KMT2C: variants seen among roughly 807,000 people sequenced by gnomAD.
The protein encoded by KMT2C is lysine methyltransferase 2C, also known as histone-lysine N-methyltransferase 2C.
A neutral mutation model predicts 507.9 loss-of-function variants in KMT2C; 88 were observed. The ratio of observed to expected loss-of-function variants is 0.17; its 90% CI spans 0.15 to 0.21. The LOEUF (loss-of-function observed/expected upper bound fraction) is 0.21, where lower values mean the gene tolerates loss of function less well. Ranked by LOEUF, KMT2C falls within the 10% of genes least tolerant of loss-of-function variation. The probability of loss-of-function intolerance (pLI) is 1.00; values close to 1 mark genes in which losing one functional copy is unlikely to be tolerated. For missense variants in KMT2C, 4,954 were observed against 5,957.8 expected (o/e 0.83, Z 5.55); for synonymous variants, 2,049 against 2,080.8 (o/e 0.98, Z 0.42).
At chr7:152,190,314 G>C (rs1352955751) in intron 31 of KMT2C, among the ~76,000 whole-genome samples, 2 of 152,142 alleles carry the variant, frequency 1.3e-5, no homozygotes, top group Non-Finnish European at 2.9e-5. Context: ...CTAGGTATCA[G>C]TGCCATCTAC....
chr7:152,290,508 C>T (rs1023402028), intron 6 of KMT2C, among the ~76,000 whole-genome samples: 2 of 150,814 alleles, frequency 1.3e-5, no homozygotes, highest in African/African-American at 4.9e-5. Context: ...CGGGGTTTCA[C>T]AATCTTGGCC....
At chr7:152,279,885 C>A (rs2096169629) in intron 6 of KMT2C, among the ~76,000 whole-genome samples, 1 of 152,288 alleles carries the variant, frequency 6.6e-6, no homozygotes, top group South Asian at 2.1e-4. Context: ...AGGCAGTATT[C>A]TAAAATGCCC....
intron 2 of KMT2C, among the ~76,000 whole-genome samples, chr7:152,357,012 G>C (rs2097157944): frequency 6.6e-6 from 1 of 150,412 alleles, no homozygotes; most frequent in African/African-American, 2.5e-5. Context: ...TGGATCACCT[G>C]AGGTCAGGAG....
chr7:152,157,985 C>G, intron 44 of KMT2C: 1 of 1,179,348 alleles, frequency 8.5e-7, no homozygotes, highest in Non-Finnish European at 1.1e-6. Flanking sequence ...TGTAGCTCAA[C>G]TTTCTAAGAC....
intron 1 of KMT2C, among the ~76,000 whole-genome samples, chr7:152,365,297 G>A (rs2097232906): frequency 6.6e-6 from 1 of 152,170 alleles, no homozygotes; most frequent in African/African-American, 2.4e-5. Flanking sequence ...GATCACCTGA[G>A]GTCGAGTTCG....
At chr7:152,147,662 G>A (rs74743787) in intron 52 of KMT2C, among the ~76,000 whole-genome samples, 4,518 of 144,596 alleles carry the variant, frequency 0.031, 102 homozygotes, top group Non-Finnish European at 0.047. Context: ...AACTGAGATC[G>A]CGCCATTGCA....
At chr7:152,290,285 TA>T (rs2096399869) in intron 6 of KMT2C, among the ~76,000 whole-genome samples, 6 of 38,844 alleles carry the variant, frequency 1.5e-4, no homozygotes, top group East Asian at 6.2e-4. Context: ...TATATATATA[TA>T]TATATATATT....
intron 14 of KMT2C, among the ~76,000 whole-genome samples, chr7:152,246,456 G>A (rs199507431): frequency 8.6e-5 from 13 of 152,024 alleles, no homozygotes; most frequent in South Asian, 2.1e-4. Flanking sequence ...CCAATATTTC[G>A]GAACATAAAG....
intron 1 of KMT2C, among the ~76,000 whole-genome samples, chr7:152,416,705 C>T (rs1030396353): frequency 7.0e-6 from 1 of 141,920 alleles, no homozygotes; most frequent in African/African-American, 2.7e-5. Context: ...GCCTGGGTGA[C>T]AGAACAAGAC....
intron 40 of KMT2C, among the ~76,000 whole-genome samples, chr7:152,170,652 G>A (rs188129464): frequency 9.9e-5 from 15 of 152,100 alleles, no homozygotes; most frequent in Non-Finnish European, 1.5e-4. Flanking sequence ...ATAGGTGTGC[G>A]CCACCACGCC....
intron 23 of KMT2C, among the ~76,000 whole-genome samples, chr7:152,216,443 GTGTGTAATATAA>G (rs1440146761): frequency 2.0e-5 from 3 of 152,180 alleles, no homozygotes; most frequent in Admixed American, 2.0e-4. Context: ...TTCTGTAGAT[GTGTGTAATATAA>G]TGTGTAATAT....
In KMT2C at chr7:152,358,633, G is replaced by T; in HGVS notation, c.204C>A (p.Ser68Arg). Residue 68 changes from serine to arginine, a missense_variant, in exon 2 of 59, where the codon AGC becomes AGA. Ser to Arg is a moderately radical substitution (Grantham distance 110). Around this residue, in one of 29 missense-constraint regions of KMT2C, gnomAD observed 233 missense variants for 263.6 expected, o/e 0.88. Coordinates refer to ENST00000262189, the MANE Select transcript of KMT2C (RefSeq NM_170606.3). Reference sequence around the variant, plus strand: ...TTTCTGTTGTCTCCAGCCCATCCATGCTGTCCTCATCTTCCACTGCAGTTT... The same window carrying T: ...TTTCTGTTGTCTCCAGCCCATCCATTCTGTCCTCATCTTCCACTGCAGTTT... ...RGKTAVEDEDSMDGLETTETE... is the reference protein window; with the variant it reads ...RGKTAVEDEDRMDGLETTETE... 1 of 1,611,312 alleles carries T rather than the reference G, an allele frequency of 6.2e-7. No homozygotes were observed. The highest frequency in any genetic ancestry group is 8.5e-7 in the Non-Finnish European group (1 of 1,178,688).
At position 152,163,327 on chromosome 7, in the gene KMT2C, T is replaced by C. The variant is rs2092557267; in HGVS notation, c.10250A>G (p.Gln3417Arg). 1.2e-6 allele frequency: 2 copies of C among 1,614,248 alleles called. No individual in the cohort carries two copies. ...CAAAGCTCTTTGTCTATCTACCTCC[T>C]GCATGAGTTGGATCCGTTGTCTCTC... ...QQERQRIQLM[Q>R]EVDRQRALQQ... Residue 3417 changes from glutamine (Q) to arginine (R), a missense_variant, in exon 43 of 59, where the codon CAG becomes CGG. Physicochemically the swap from Gln to Arg is conservative, Grantham distance 43 (BLOSUM62 1). Coordinates refer to ENST00000262189, the MANE Select transcript of KMT2C (RefSeq NM_170606.3).
chr7:152,200,837 G>A (rs1202638584), intron 26 of KMT2C, among the ~76,000 whole-genome samples: 1 of 152,170 alleles, frequency 6.6e-6, no homozygotes, highest in African/African-American at 2.4e-5. Flanking sequence ...TACCCTTTGA[G>A]AAAAGAGATT....
chr7:152,223,420 A>C (rs2094834836), intron 20 of KMT2C, among the ~76,000 whole-genome samples: 1 of 152,158 alleles, frequency 6.6e-6, no homozygotes, highest in Non-Finnish European at 1.5e-5. Flanking sequence ...ACCCTTCATA[A>C]GAAACGGCAT....
At chr7:152,198,071 T>G (rs117851760) in intron 27 of KMT2C, among the ~76,000 whole-genome samples, 6,071 of 152,274 alleles carry the variant, frequency 0.04, 166 homozygotes, top group South Asian at 0.084. Flanking sequence ...AAGATAAACT[T>G]TATCGTAAAA....
chr7:152,139,578 GAC>G, intron 56 of KMT2C, 95 bp downstream of exon 56: 1 of 826,154 alleles, frequency 1.2e-6, no homozygotes, highest in South Asian at 1.5e-5. Context: ...AATGCAGCAT[GAC>G]AGATTTCATT....
chr7:152,160,915 G>A lies in KMT2C; in HGVS notation c.11460+1202C>T, dbSNP rs117302685. ...AGCATCAACACATATTTGAGATTGGGAGAGGTGAGAAAGGTATCTGGAAAA... is the reference window on the plus strand; with the variant it reads ...AGCATCAACACATATTTGAGATTGGAAGAGGTGAGAAAGGTATCTGGAAAA... On this transcript the variant is annotated intron_variant, in intron 43 of 58. Transcript: ENST00000262189. Among the ~76,000 whole-genome samples the A allele has an allele frequency of 6.4e-3, 973 of 152,172 alleles. 3 individuals are homozygous for A. Among genetic ancestry groups the A allele is most frequent in the Non-Finnish European group, 0.01 (692 of 68,014 alleles).
rs748884705 is a variant in KMT2C, at chr7:152,248,284, A to G, written c.2150T>C (p.Ile717Thr). ...ISLCPEEQLV[I>T]ERLQGEKEQK... ...TTCCTTTTCTCCTTGTAGCCTTTCTATAACCAACTGTTCCTCAGGACATAA... is the reference window on the plus strand; with the variant it reads ...TTCCTTTTCTCCTTGTAGCCTTTCTGTAACCAACTGTTCCTCAGGACATAA... Residue 717 changes from isoleucine (I) to threonine (T), a missense_variant, in exon 14 of 59, where the codon ATA becomes ACA. Coordinates refer to ENST00000262189, the MANE Select transcript of KMT2C (RefSeq NM_170606.3). The G allele has an allele frequency of 1.9e-5, 30 of 1,613,772 alleles. No individual in the cohort carries two copies. The highest frequency in any genetic ancestry group is 3.3e-5 in the Admixed American group (2 of 59,984).
Sources: allele counts gnomAD v4.1 joint callset (sites outside exome capture counted in the v4.1 genomes callset), GRCh38; gene constraint gnomAD v4.1.1; regional missense constraint gnomAD v4.1.1; transcripts MANE v1.5; gene names NCBI Gene and HGNC (gene_info 2026-07-23, HGNC 2026-07-21).